The following CNR1 variants were observed in gnomAD, a reference collection of about 807,000 sequenced individuals.
CNR1 encodes cannabinoid receptor 1 (brain).
Under a neutral mutation model 23.0 loss-of-function variants are expected in CNR1, and 10 were observed. The ratio of observed to expected loss-of-function variants is 0.43; its 90% CI spans 0.27 to 0.74. The LOEUF (loss-of-function observed/expected upper bound fraction) is 0.74, where lower values mean the gene tolerates loss of function less well. CNR1 is among the 30% of genes least tolerant of loss of function. CNR1 has a pLI of 0.19. For missense variants in CNR1, 422 were observed against 618.8 expected, an observed-to-expected ratio of 0.68 and a Z score of 3.37; for synonymous variants, 271 against 255.2, an observed-to-expected ratio of 1.06 and a Z score of -0.59.
chr6:88,161,786 G>A (rs925565727), intron 1 of CNR1, among the ~76,000 whole-genome samples: 5 of 152,246 alleles, frequency 3.3e-5, no homozygotes, highest in East Asian at 1.9e-4. Flanking sequence ...AGGTGACAGC[G>A]TCTACTAAAA....
intron 1 of CNR1, among the ~76,000 whole-genome samples, chr6:88,149,274 G>A (rs1031712874): frequency 1.3e-5 from 2 of 152,286 alleles, no homozygotes; most frequent in African/African-American, 4.8e-5. Flanking sequence ...CCTACCCTCA[G>A]CCTGGCTCCA....
At position 88,156,227 on chromosome 6, in the gene CNR1, G is replaced by A. The variant is rs77940380; in HGVS notation, c.-64+9576C>T. On this transcript the variant is annotated intron_variant, in intron 1 of 1. Coordinates refer to ENST00000369501, the MANE Select transcript of CNR1 (RefSeq NM_016083.6). ...TGTAAAACTGCATTACTACAGCAATGTGGCTAATAGATATAAAGTTACAGG... is the reference window on the plus strand; with the variant it reads ...TGTAAAACTGCATTACTACAGCAATATGGCTAATAGATATAAAGTTACAGG... Among the ~76,000 whole-genome samples, 574 of 152,294 alleles carry A rather than the reference G, an allele frequency of 3.8e-3. 2 individuals are homozygous for A. The highest frequency in any genetic ancestry group is 0.013 in the African/African-American group (523 of 41,552).
rs1253061469 is a variant in CNR1 at position 88,166,065 on chromosome 6, C to CGGGGTGGGGT, written c.-336_-327dup. On this transcript the variant is annotated 5_prime_UTR_variant, in exon 1 of 2. Transcript: ENST00000369501. Reference sequence around the variant, plus strand: ...CGCCGGCGCCGGGCTGCTGGCGAGGCGGGGTGGGGTGGAGTGGGGTGTGCC... The same window carrying CGGGGTGGGGT: ...CGCCGGCGCCGGGCTGCTGGCGAGGCGGGGTGGGGTGGGGTGGGGTGGAGTGGGGTGTGCC... 1 of 152,444 alleles carries CGGGGTGGGGT rather than the reference C, an allele frequency of 6.6e-6. No homozygotes were observed. Among genetic ancestry groups the CGGGGTGGGGT allele is most frequent in the East Asian group, 1.9e-4 (1 of 5,174 alleles). The allele number at this position is 152,444 out of a possible 1,614,324, so 9.4% of individuals were successfully genotyped here.
At chr6:88,147,647 A>T (rs115921751) in intron 1 of CNR1, 1 of 152,288 alleles carries the variant, frequency 6.6e-6, no homozygotes, top group African/African-American at 2.4e-5. Flanking sequence ...CACTTCCAGG[A>T]TCTCATCACT....
chr6:88,151,353 T>C (rs1198748917), intron 1 of CNR1, among the ~76,000 whole-genome samples: 1 of 152,170 alleles, frequency 6.6e-6, no homozygotes, highest in Non-Finnish European at 1.5e-5. Flanking sequence ...GATATTACCA[T>C]CTTCCTTGTT....
intron 1 of CNR1, among the ~76,000 whole-genome samples, chr6:88,156,074 G>A (rs1463028952): frequency 6.6e-6 from 1 of 152,122 alleles, no homozygotes; most frequent in Non-Finnish European, 1.5e-5. Context: ...AGACCAGGGA[G>A]AAGAAGACTT....
At chr6:88,165,604 T>C (rs565061734) in intron 1 of CNR1, among the ~76,000 whole-genome samples, 199 bp downstream of exon 1, 3 of 152,252 alleles carry the variant, frequency 2.0e-5, no homozygotes, top group South Asian at 4.1e-4. Flanking sequence ...ATTCAATAAA[T>C]AGTAAATGGT....
At position 88,144,372 on chromosome 6, in the gene CNR1, A is replaced by C. The variant is rs1404015128; in HGVS notation, c.903T>G (p.Ala301=). The stretch of plus-strand genomic sequence containing the variant: ...GAATCATGCGGACGGCGTGGCTGTG[A>C]GCCTTCCAGAGAATATACATGTACG... ...VYAYMYILWK[A]HSHAVRMIQR... Residue 301 remains alanine (A), a synonymous_variant, in exon 2 of 2, where the codon GCT becomes GCG. Transcript: ENST00000369501. The surrounding 1 kb of genome is among the most constrained non-coding windows in gnomAD (Gnocchi z 7.8). 1 of 1,613,836 alleles carries C rather than the reference A, an allele frequency of 6.2e-7. No individual in the cohort carries two copies. The highest frequency in any genetic ancestry group is 1.3e-5 in the African/African-American group (1 of 74,890).
chr6:88,154,525 C>T (rs1178055251), intron 1 of CNR1, among the ~76,000 whole-genome samples: 3 of 152,222 alleles, frequency 2.0e-5, no homozygotes, highest in Non-Finnish European at 4.4e-5. Flanking sequence ...AGTGCCTTGG[C>T]ACTTTTCTTG....
rs1777043051 is a variant in CNR1 at position 88,144,596 on chromosome 6, T to C, written c.679A>G (p.Ile227Val). 3 of 1,614,066 alleles carry C rather than the reference T, an allele frequency of 1.9e-6. No homozygotes were observed. The Admixed American group carries it at 5.0e-5, about 27-fold the overall frequency. The change falls in exon 2 of 2, where the codon ATT becomes GTT. Residue 227 changes from isoleucine to valine, a missense_variant. By Grantham distance (29) the Ile-to-Val change is conservative. Transcript: ENST00000369501. This position sits in a 1 kb window ranked among gnomAD's most constrained non-coding sequence, Gnocchi z 7.8. ...SIHRPLAYKR[I>V]VTRPKAVVAF... ...ACCACGGCCTTGGGCCTGGTGACAA[T>C]CCTCTTATAGGCCAGGGGCCTGTGA...
chr6:88,164,769 A>G (rs1449288412), intron 1 of CNR1, among the ~76,000 whole-genome samples: 1 of 152,228 alleles, frequency 6.6e-6, no homozygotes, highest in African/African-American at 2.4e-5. Flanking sequence ...TGACCCCACT[A>G]ATACTCAGTG....
intron 1 of CNR1, among the ~76,000 whole-genome samples, chr6:88,163,252 T>G (rs1156312779): frequency 6.6e-6 from 1 of 152,240 alleles, no homozygotes; most frequent in Non-Finnish European, 1.5e-5. Context: ...TATAACCAAA[T>G]CTTTCATTTT....
intron 1 of CNR1, among the ~76,000 whole-genome samples, chr6:88,147,106 C>T (rs1777235169): frequency 6.6e-6 from 1 of 152,116 alleles, no homozygotes; most frequent in Admixed American, 6.5e-5. Context: ...TCCTGGCCAA[C>T]ATGGTGAAAC....
intron 1 of CNR1, among the ~76,000 whole-genome samples, chr6:88,165,339 C>T (rs918367612): frequency 2.6e-5 from 4 of 152,178 alleles, no homozygotes; most frequent in African/African-American, 9.7e-5. Flanking sequence ...TGTTTTTCCT[C>T]AAAGAGAAGT....
At chr6:88,166,869 C>A (rs1270535223), upstream of CNR1, among the ~76,000 whole-genome samples, 2 of 151,898 alleles carry the variant, frequency 1.3e-5, no homozygotes, top group Admixed American at 1.3e-4. Flanking sequence ...CCCCTCCCTC[C>A]GCGCAAGGCC....
chr6:88,164,628 T>C (rs888916009), intron 1 of CNR1, among the ~76,000 whole-genome samples: 6 of 152,322 alleles, frequency 3.9e-5, no homozygotes, highest in Admixed American at 3.3e-4. Context: ...TTAGTGTATC[T>C]TCCCTTGCAA....
At chr6:88,157,532 C>T (rs899199708) in intron 1 of CNR1, among the ~76,000 whole-genome samples, 2 of 152,022 alleles carry the variant, frequency 1.3e-5, no homozygotes, top group Non-Finnish European at 2.9e-5. Context: ...TTTTCTGAGG[C>T]AAAAGGGCAT....
At chr6:88,150,105 C>T (rs1562508728) in intron 1 of CNR1, among the ~76,000 whole-genome samples, 1 of 152,126 alleles carries the variant, frequency 6.6e-6, no homozygotes, top group Admixed American at 6.5e-5. Flanking sequence ...AGCCTGAAAA[C>T]CAGAGTTTGA....
At chr6:88,165,322 G>A (rs1237377857) in intron 1 of CNR1, among the ~76,000 whole-genome samples, 1 of 152,134 alleles carries the variant, frequency 6.6e-6, no homozygotes, top group East Asian at 1.9e-4. Flanking sequence ...TTAGTTACAT[G>A]GACATTTGTT....
Sources: gnomAD v4.1 joint callset for allele counts (sites outside exome capture counted in the v4.1 genomes callset) on GRCh38, gnomAD v4.1.1 for gene constraint, Gnocchi (gnomAD v3.1) non-coding constraint, MANE v1.5 for transcripts, NCBI Gene and HGNC (gene_info 2026-07-23, HGNC 2026-07-21) for gene names.